SNX24: variants seen among roughly 807,000 people sequenced by gnomAD.
SNX24 encodes the protein sorting nexin 24.
SNX24 carries 22 observed loss-of-function variants against 28.7 expected under a neutral mutation model. The observed-to-expected ratio is 0.77, with a 90% CI of 0.55 to 1.10. SNX24 has a LOEUF of 1.10. Ranked by LOEUF, SNX24 falls within the 50% of genes least tolerant of loss-of-function variation. The pLI, the probability that SNX24 is intolerant of heterozygous loss-of-function variation, is 0.00. For synonymous variants in SNX24, 69 were observed against 71.5 expected, an observed-to-expected ratio of 0.96 and a Z score of 0.18; for missense variants, 221 against 201.1, an observed-to-expected ratio of 1.10 and a Z score of -0.60.
intron 3 of SNX24, among the ~76,000 whole-genome samples, chr5:122,963,975 G>T (rs61035444): frequency 3.9e-5 from 6 of 152,206 alleles, no homozygotes; most frequent in African/African-American, 1.4e-4. Flanking sequence ...GGGCGCGATG[G>T]CTCATGCCTG....
At chr5:122,985,271 C>T (rs116828971) in intron 3 of SNX24, among the ~76,000 whole-genome samples, 4,274 of 152,174 alleles carry the variant, frequency 0.028, 76 homozygotes, top group Middle Eastern at 0.054. Flanking sequence ...TGGATCCTGC[C>T]CTGGGCCAGA....
intron 1 of SNX24, among the ~76,000 whole-genome samples, chr5:122,864,197 A>T (rs891433558): frequency 1.1e-4 from 16 of 152,190 alleles, no homozygotes; most frequent in African/African-American, 3.9e-4. Context: ...CAAGTAAAAG[A>T]TGATGATGGC....
At chr5:122,980,796 G>GT (rs1761360432) in intron 3 of SNX24, among the ~76,000 whole-genome samples, 1 of 151,756 alleles carries the variant, frequency 6.6e-6, no homozygotes, top group African/African-American at 2.4e-5. Context: ...TGGGAAAAGA[G>GT]TATTTGGCAT....
intron 1 of SNX24, among the ~76,000 whole-genome samples, chr5:122,846,908 CTG>C (rs1409791852): frequency 6.6e-6 from 1 of 151,054 alleles, no homozygotes; most frequent in Non-Finnish European, 1.5e-5. Flanking sequence ...GTTAAATAGT[CTG>C]TATCTTCCTT....
chr5:122,850,568 A>C lies in SNX24; in HGVS notation c.60+4875A>C, dbSNP rs188286342. On this transcript the variant is annotated intron_variant, in intron 1 of 6. Transcript: ENST00000261369. ...CGTTGAACATGGAAAGGAAGTGATGACTGCAGATATCTCCAGTACCTGGTG... is the reference window on the plus strand; with the variant it reads ...CGTTGAACATGGAAAGGAAGTGATGCCTGCAGATATCTCCAGTACCTGGTG... 3.8e-3 allele frequency among the ~76,000 whole-genome samples: 579 copies of C among 152,254 alleles called. 4 individuals are homozygous for C. The highest frequency in any genetic ancestry group is 0.013 in the African/African-American group (538 of 41,538).
intron 1 of SNX24, 55 bp from the exon 2 acceptor site, chr5:122,936,679 C>T: frequency 9.8e-7 from 1 of 1,024,076 alleles, no homozygotes; most frequent in African/African-American, 1.6e-5. Flanking sequence ...CTTACCACAT[C>T]AGACAATTGA....
intron 1 of SNX24, among the ~76,000 whole-genome samples, chr5:122,875,035 A>G (rs544407156): frequency 1.1e-3 from 170 of 152,324 alleles, no homozygotes; most frequent in Middle Eastern, 6.8e-3. Flanking sequence ...GATATGATTT[A>G]TGATCTGAAT....
intron 1 of SNX24, among the ~76,000 whole-genome samples, chr5:122,852,627 G>A (rs1754976117): frequency 6.6e-6 from 1 of 152,154 alleles, no homozygotes; most frequent in Non-Finnish European, 1.5e-5. Context: ...GTAGGCATGA[G>A]CCACCATGCC....
chr5:123,012,690 G>T (rs559955864), downstream of SNX24, among the ~76,000 whole-genome samples: 11 of 152,182 alleles, frequency 7.2e-5, no homozygotes, highest in South Asian at 4.1e-4. Flanking sequence ...AACAATAAAG[G>T]CTTTTGAGTG....
intron 1 of SNX24, among the ~76,000 whole-genome samples, chr5:122,901,008 C>T (rs1757420624): frequency 6.6e-6 from 1 of 151,978 alleles, no homozygotes; most frequent in Admixed American, 6.6e-5. Context: ...CAAGACCAGC[C>T]TGGCCAACAT....
At chr5:122,992,383 A>G (rs978123547) in intron 3 of SNX24, among the ~76,000 whole-genome samples, 1 of 152,154 alleles carries the variant, frequency 6.6e-6, no homozygotes, top group Non-Finnish European at 1.5e-5. Context: ...GAGAAAAGAA[A>G]AAAATCCTTC....
Position 122,974,328 on chromosome 5 carries a change from T to C in SNX24, c.250-25584T>C, listed in dbSNP as rs190268583. Among the ~76,000 whole-genome samples the C allele has an allele frequency of 3.1e-3, 475 of 152,316 alleles. 3 individuals are homozygous for C. Among genetic ancestry groups the C allele is most frequent in the Non-Finnish European group, 4.5e-3 (305 of 68,026 alleles). ...TGCTTATAGGATCCAGTCAGCATAA[T>C]GTTATCAGTGTTATGGACCAGTGTG... is the stretch of plus-strand genomic sequence containing the variant. On this transcript the variant is annotated intron_variant, in intron 3 of 6. Coordinates refer to ENST00000261369, the MANE Select transcript of SNX24 (RefSeq NM_014035.4).
intron 1 of SNX24, among the ~76,000 whole-genome samples, chr5:122,895,987 A>G (rs1181912296): frequency 6.6e-6 from 1 of 152,110 alleles, no homozygotes; most frequent in Non-Finnish European, 1.5e-5. Flanking sequence ...CATCTCTACT[A>G]AAAATACAAA....
At chr5:123,023,838 C>CACACACACACA in intron 5 of SNX24, 1 of 1,311,202 alleles carries the variant, frequency 7.6e-7, no homozygotes, top group Non-Finnish European at 1.1e-6. Context: ...ACACACACAC[C>CACACACACACA]CCTGCCAAAG....
chr5:122,872,723 T>TC (rs1187711026), intron 1 of SNX24, among the ~76,000 whole-genome samples: 3 of 152,126 alleles, frequency 2.0e-5, no homozygotes, highest in Non-Finnish European at 2.9e-5. Flanking sequence ...CAGTTTTTTT[T>TC]CCCTTTTGTT....
intron 1 of SNX24, among the ~76,000 whole-genome samples, chr5:122,853,393 C>G (rs1755027405): frequency 6.6e-6 from 1 of 152,160 alleles, no homozygotes; most frequent in South Asian, 2.1e-4. Context: ...TCCCAAAGTG[C>G]TGGGATTACA....
At chr5:122,914,813 G>GTC (rs1758088733) in intron 1 of SNX24, among the ~76,000 whole-genome samples, 2 of 152,036 alleles carry the variant, frequency 1.3e-5, no homozygotes, top group African/African-American at 4.8e-5. Context: ...CTTGCTAGCG[G>GTC]TCTATCAATT....
chr5:122,863,383 TGGAATGCAGTA>T (rs1755568973), intron 1 of SNX24, among the ~76,000 whole-genome samples: 2 of 152,046 alleles, frequency 1.3e-5, no homozygotes, highest in African/African-American at 4.8e-5. Flanking sequence ...CCAGTGGGTT[TGGAATGCAGTA>T]GGAAAATAGA....
chr5:123,005,847 G>T (rs563493025), intron 6 of SNX24, among the ~76,000 whole-genome samples: 1 of 152,064 alleles, frequency 6.6e-6, no homozygotes, highest in Non-Finnish European at 1.5e-5. Context: ...CCTATCACAC[G>T]CTTTCAAAGA....
Sources: gnomAD v4.1 joint callset for allele counts (sites outside exome capture counted in the v4.1 genomes callset) on GRCh38, gnomAD v4.1.1 for gene constraint, MANE v1.5 for transcripts, NCBI Gene and HGNC (gene_info 2026-07-23, HGNC 2026-07-21) for gene names.